CRISPLD2: variants seen among roughly 807,000 people sequenced by gnomAD.
CRISPLD2 encodes the protein cysteine rich secretory protein LCCL domain containing 2.
A neutral mutation model predicts 71.1 loss-of-function variants in CRISPLD2; 47 were observed. The ratio of observed to expected loss-of-function variants is 0.66; its 90% confidence interval spans 0.52 to 0.84. The LOEUF is 0.84. Among genes scored for constraint, CRISPLD2 ranks in the 40% least tolerant of loss-of-function variants. CRISPLD2 has a pLI of 0.00. For missense variants in CRISPLD2, 830 were observed against 651.1 expected, an observed-to-expected ratio of 1.27 and a Z score of -2.99; for synonymous variants, 317 against 250.1, an observed-to-expected ratio of 1.27 and a Z score of -2.52.
At chr16:84,832,590 A>C (rs1916515379) in intron 1 of CRISPLD2, among the ~76,000 whole-genome samples, 1 of 152,258 alleles carries the variant, frequency 6.6e-6, no homozygotes, top group Non-Finnish European at 1.5e-5. Flanking sequence ...GTTTCTAGGA[A>C]GCCGTGCTCC....
chr16:84,862,299 C>T (rs1917405928), intron 6 of CRISPLD2, among the ~76,000 whole-genome samples: 1 of 152,042 alleles, frequency 6.6e-6, no homozygotes, highest in Admixed American at 6.5e-5. Context: ...ACCTCCCGGC[C>T]TCAAGGGATC....
intron 13 of CRISPLD2, 96 bp from the exon 14 acceptor site, chr16:84,889,134 A>G: frequency 6.5e-7 from 1 of 1,534,380 alleles, no homozygotes; most frequent in Non-Finnish European, 9.0e-7. Context: ...ACATCCCACC[A>G]GCCAGGTTGC....
At chr16:84,878,335 C>T (rs754188) in intron 12 of CRISPLD2, among the ~76,000 whole-genome samples, 60,932 of 151,508 alleles carry the variant, frequency 0.4, 12,878 homozygotes, top group East Asian at 0.65. Context: ...GCTCTGGTGG[C>T]CAGTCCCTCT....
Position 84,902,319 on chromosome 16 carries a change from C to T in CRISPLD2, c.1440-4269C>T, listed in dbSNP as rs577162565. Among the ~76,000 whole-genome samples the T allele has an allele frequency of 2.4e-3, 371 of 151,944 alleles. 1 individual carries two copies. The highest frequency in any genetic ancestry group is 8.6e-3 in the African/African-American group (355 of 41,470). The stretch of plus-strand genomic sequence containing the variant: ...AAAGGCTGCATGCAGAGAGTACAAA[C>T]GATGAACAGGCCGGGCGCAGTGGCT... On this transcript the variant is annotated intron_variant, in intron 14 of 14. Coordinates refer to ENST00000262424, the MANE Select transcript of CRISPLD2 (RefSeq NM_031476.4).
intron 2 of CRISPLD2, among the ~76,000 whole-genome samples, chr16:84,843,482 G>A (rs1456653686): frequency 6.6e-6 from 1 of 152,176 alleles, no homozygotes; most frequent in African/African-American, 2.4e-5. Context: ...AGGCTCTGGA[G>A]CCAGCCTGCC....
chr16:84,897,865 C>T (rs905510399), intron 14 of CRISPLD2, among the ~76,000 whole-genome samples: 5 of 152,224 alleles, frequency 3.3e-5, no homozygotes, highest in African/African-American at 1.2e-4. Flanking sequence ...GATCCGCCTG[C>T]CTTGGCCTCC....
intron 14 of CRISPLD2, among the ~76,000 whole-genome samples, chr16:84,900,150 G>C (rs1346359158): frequency 6.6e-6 from 1 of 152,116 alleles, no homozygotes; most frequent in African/African-American, 2.4e-5. Flanking sequence ...TTGGCTCTTG[G>C]CGTTTCTTTG....
intron 6 of CRISPLD2, among the ~76,000 whole-genome samples, chr16:84,858,901 T>TCAC (rs143022930): frequency 0.028 from 4,316 of 152,202 alleles, 182 homozygotes; most frequent in African/African-American, 0.098. Context: ...GCAATTGGAG[T>TCAC]CACCACTTGG....
intron 6 of CRISPLD2, among the ~76,000 whole-genome samples, chr16:84,860,736 T>A (rs773696068): frequency 3.8e-4 from 58 of 152,192 alleles, no homozygotes; most frequent in Non-Finnish European, 1.3e-4. Flanking sequence ...TTCCAATCAA[T>A]GCCCTCACTT....
At chr16:84,902,727 G>T (rs962848239) in intron 14 of CRISPLD2, among the ~76,000 whole-genome samples, 1 of 150,924 alleles carries the variant, frequency 6.6e-6, no homozygotes, top group Non-Finnish European at 1.5e-5. Flanking sequence ...CCTTTTGATT[G>T]GTTGTTGCTG....
At chr16:84,874,779 G>C (rs1470144554) in intron 11 of CRISPLD2, among the ~76,000 whole-genome samples, 2 of 152,046 alleles carry the variant, frequency 1.3e-5, no homozygotes, top group African/African-American at 4.8e-5. Flanking sequence ...TTGTAGTGAT[G>C]ACCTAAATTC....
chr16:84,897,171 C>T (rs544055680), intron 14 of CRISPLD2, among the ~76,000 whole-genome samples: 44 of 152,136 alleles, frequency 2.9e-4, no homozygotes, highest in African/African-American at 9.4e-4. Context: ...AGGCCGGGTG[C>T]GGCGGCTCAT....
intron 1 of CRISPLD2, among the ~76,000 whole-genome samples, chr16:84,832,980 C>A (rs535366444): frequency 1.3e-5 from 2 of 152,298 alleles, no homozygotes; most frequent in East Asian, 1.9e-4. Flanking sequence ...TAGAGGGGTG[C>A]GGTTGGAGAG....
chr16:84,898,562 C>G (rs1422285307), intron 14 of CRISPLD2, among the ~76,000 whole-genome samples: 1 of 152,224 alleles, frequency 6.6e-6, no homozygotes, highest in African/African-American at 2.4e-5. Context: ...ACCATCCAGC[C>G]TGCACTTGTC....
At chr16:84,905,233 C>G (rs902679931) in intron 14 of CRISPLD2, among the ~76,000 whole-genome samples, 44 of 152,186 alleles carry the variant, frequency 2.9e-4, no homozygotes, top group African/African-American at 1.0e-3. Flanking sequence ...TGCCACTGCA[C>G]TCTGGCCTTG....
At chr16:84,891,766 G>C (rs1241919916) in intron 14 of CRISPLD2, among the ~76,000 whole-genome samples, 1 of 152,194 alleles carries the variant, frequency 6.6e-6, no homozygotes, top group Non-Finnish European at 1.5e-5. Flanking sequence ...AGGCCCCTGG[G>C]GAGGGCAGGG....
intron 1 of CRISPLD2, among the ~76,000 whole-genome samples, chr16:84,826,628 C>G (rs1180057059): frequency 6.6e-6 from 1 of 152,096 alleles, no homozygotes; most frequent in South Asian, 2.1e-4. Flanking sequence ...GTTTATTCCC[C>G]GGGACCTGCG....
At chr16:84,899,116 C>G (rs1046387201) in intron 14 of CRISPLD2, among the ~76,000 whole-genome samples, 4 of 152,160 alleles carry the variant, frequency 2.6e-5, no homozygotes, top group Admixed American at 2.6e-4. Context: ...ATCTCAAACT[C>G]CTGGGTTCAA....
At chr16:84,877,301 G>T in intron 11 of CRISPLD2, 137 bp from the exon 12 acceptor site, 1 of 656,086 alleles carries the variant, frequency 1.5e-6, no homozygotes, top group Non-Finnish European at 2.6e-6. Context: ...GGAGCCTGCT[G>T]GGTCGTAGTC....
Sources: gnomAD v4.1 joint callset for allele counts (sites outside exome capture counted in the v4.1 genomes callset) on GRCh38, gnomAD v4.1.1 for gene constraint, MANE v1.5 for transcripts, NCBI Gene and HGNC (gene_info 2026-07-23, HGNC 2026-07-21) for gene names.